PDE6C: variants seen among roughly 807,000 people sequenced by gnomAD.
The protein encoded by PDE6C is cone cGMP-specific 3',5'-cyclic phosphodiesterase subunit alpha'.
PDE6C carries 75 observed loss-of-function variants against 113.1 expected under a neutral mutation model. The ratio of observed to expected loss-of-function variants is 0.66; its 90% confidence interval spans 0.55 to 0.80. The LOEUF (loss-of-function observed/expected upper bound fraction) is 0.80, where lower values mean the gene tolerates loss of function less well. PDE6C is among the 30% of genes least tolerant of loss of function. The pLI, the probability that PDE6C is intolerant of heterozygous loss-of-function variation, is 0.00. For missense variants in PDE6C, 912 were observed against 1,038.6 expected, an observed-to-expected ratio of 0.88 and a Z score of 1.67; for synonymous variants, 375 against 363.7, an observed-to-expected ratio of 1.03 and a Z score of -0.35.
At position 93,663,149 on chromosome 10, in the gene PDE6C, C is replaced by CA; in HGVS notation, c.2495dup (p.Gln833AlafsTer10). The CA allele has an allele frequency of 6.2e-7, 1 of 1,613,430 alleles. No individual in the cohort carries two copies. On this transcript the variant is annotated frameshift_variant, in exon 21 of 22. Transcript: ENST00000371447. LOFTEE classifies it high-confidence loss of function. ...AAGATGAAGGTCATTGAAGAGGAGG[C>CA]AAAAAAGCAAGAAGGAGGAGCCGAA...
chr10:93,624,736 G>T (rs1479362096), intron 4 of PDE6C, among the ~76,000 whole-genome samples: 2 of 152,132 alleles, frequency 1.3e-5, no homozygotes, highest in Non-Finnish European at 2.9e-5. Flanking sequence ...CTAACAATAT[G>T]ATATTTATTC....
In PDE6C at chr10:93,626,867, G is replaced by A; in HGVS notation, c.1067G>A (p.Gly356Glu). ...SGLPTYVAENGFICNMMNAPA... is the reference protein window; with the variant it reads ...SGLPTYVAENEFICNMMNAPA... ...TTGCCAACATATGTTGCTGAAAATG[G>A]ATTTGTAAGTTATTGAACAAATTCA... The change falls in exon 7 of 22, where the codon GGA becomes GAA. Residue 356 changes from glycine (G) to glutamate (E), a missense_variant. Transcript: ENST00000371447. The A allele has an allele frequency of 6.2e-7, 1 of 1,611,716 alleles. No individual in the cohort carries two copies. Among genetic ancestry groups the A allele is most frequent in the Non-Finnish European group, 8.5e-7 (1 of 1,178,290 alleles).
intron 12 of PDE6C, 87 bp from the exon 13 acceptor site, chr10:93,640,363 C>T: frequency 3.2e-6 from 4 of 1,257,778 alleles, no homozygotes; most frequent in Non-Finnish European, 4.7e-6. Flanking sequence ...TCTACAAGAC[C>T]AACACATCTT....
At chr10:93,662,901 C>G (rs973796705) in intron 20 of PDE6C, 127 bp from the exon 21 acceptor site, 4 of 832,456 alleles carry the variant, frequency 4.8e-6, no homozygotes, top group Non-Finnish European at 7.9e-6. Flanking sequence ...TTCATAGGCC[C>G]GTGGTTAAAC....
rs2133877381 is a variant in PDE6C, at chr10:93,659,140, T to C, written c.2181T>C (p.Ile727=). ...MMMTACDLSA[I]TKPWEVQSQV... is the part of the protein sequence containing the mutation. ...TGACGGCATGTGACTTGTCTGCTAT[T>C]ACCAAGCCCTGGGAGGTGCAAAGTC... Residue 727 remains isoleucine, a synonymous_variant, in exon 18 of 22, where the codon ATT becomes ATC. Transcript: ENST00000371447. 1 of 1,611,440 alleles carries C rather than the reference T, an allele frequency of 6.2e-7. No individual in the cohort carries two copies. Among genetic ancestry groups the C allele is most frequent in the Non-Finnish European group, 8.5e-7 (1 of 1,179,352 alleles).
At chr10:93,625,495 AC>A (rs2134598294) in intron 4 of PDE6C, 79 bp from the exon 5 acceptor site, 1 of 972,426 alleles carries the variant, frequency 1.0e-6, no homozygotes, top group East Asian at 2.4e-5. Context: ...CATAAAATAT[AC>A]AAACACATAA....
In PDE6C at chr10:93,634,812, A is replaced by C; in HGVS notation, c.1174A>C (p.Ile392Leu). The change falls in exon 9 of 22, where the codon ATT becomes CTT. Residue 392 changes from isoleucine (I) to leucine (L), a missense_variant. Ile to Leu is a conservative substitution (Grantham distance 5). Transcript: ENST00000371447. ...WVIKNVLSLP[I>L]VNKKEDIVGV... ...CATTAAGAATGTTTTGTCCCTGCCTATTGTCAACAAGAAAGAAGATATTGT... is the reference window on the plus strand; with the variant it reads ...CATTAAGAATGTTTTGTCCCTGCCTCTTGTCAACAAGAAAGAAGATATTGT... The C allele has an allele frequency of 6.2e-7, 1 of 1,614,136 alleles. No individual in the cohort carries two copies. Among genetic ancestry groups the C allele is most frequent in the Non-Finnish European group, 8.5e-7 (1 of 1,179,984 alleles).
At chr10:93,625,111 T>C (rs570762379) in intron 4 of PDE6C, among the ~76,000 whole-genome samples, 1 of 152,318 alleles carries the variant, frequency 6.6e-6, no homozygotes, top group East Asian at 1.9e-4. Context: ...TGTGGTCTGA[T>C]GGAAAATTAC....
chr10:93,627,942 C>T (rs1038609041), intron 7 of PDE6C, among the ~76,000 whole-genome samples: 2 of 152,076 alleles, frequency 1.3e-5, no homozygotes, highest in African/African-American at 2.4e-5. Flanking sequence ...ACCTTGGGGC[C>T]GAGAGGCAGG....
At chr10:93,650,454 C>T (rs1053867590) in intron 15 of PDE6C, among the ~76,000 whole-genome samples, 2 of 152,108 alleles carry the variant, frequency 1.3e-5, no homozygotes, top group African/African-American at 4.8e-5. Context: ...TGCTGTGTTG[C>T]TTAGGCTGGT....
intron 8 of PDE6C, among the ~76,000 whole-genome samples, chr10:93,630,823 G>A (rs886327631): frequency 6.6e-6 from 1 of 152,122 alleles, no homozygotes; most frequent in African/African-American, 2.4e-5. Flanking sequence ...TCCCTTTGCC[G>A]ATTGACATGG....
Position 93,617,041 on chromosome 10 carries a change from C to T in PDE6C, c.481-3591C>T, listed in dbSNP as rs765304277. ...TGATTCTGACTGTGGTTTAAAAGTCCTCCTTCCTCTCTCTTCCTTTCCTCC... is the reference window on the plus strand; with the variant it reads ...TGATTCTGACTGTGGTTTAAAAGTCTTCCTTCCTCTCTCTTCCTTTCCTCC... On this transcript the variant is annotated intron_variant, in intron 1 of 21. Transcript: ENST00000371447. Among the ~76,000 whole-genome samples the T allele has an allele frequency of 5.3e-5, 8 of 152,232 alleles. No individual in the cohort carries two copies. The South Asian group carries it at 1.7e-3, about 32-fold the overall frequency.
intron 7 of PDE6C, among the ~76,000 whole-genome samples, chr10:93,627,538 G>T (rs1304201299): frequency 6.6e-6 from 1 of 152,136 alleles, no homozygotes; most frequent in Non-Finnish European, 1.5e-5. Context: ...TAAATATGGG[G>T]GATGGGGTGG....
At chr10:93,665,234 C>T (rs2058684804) in intron 21 of PDE6C, 126 bp from the exon 22 acceptor site, 1 of 788,648 alleles carries the variant, frequency 1.3e-6, no homozygotes, top group Non-Finnish European at 2.2e-6. Context: ...GTCAAACCCA[C>T]AGTACTTGCT....
At chr10:93,634,710 C>T in intron 8 of PDE6C, 48 bp from the exon 9 acceptor site, 5 of 1,604,446 alleles carry the variant, frequency 3.1e-6, no homozygotes, top group Non-Finnish European at 4.3e-6. Context: ...ATGATTATTT[C>T]AAACTAAAAA....
intron 8 of PDE6C, among the ~76,000 whole-genome samples, chr10:93,631,957 A>G (rs1308973522): frequency 6.6e-6 from 1 of 152,202 alleles, no homozygotes; most frequent in Non-Finnish European, 1.5e-5. Context: ...GAATTCCAAA[A>G]TGAGTCTTCT....
chr10:93,636,931 A>AG (rs1437682796), intron 10 of PDE6C, 64 bp from the exon 11 acceptor site: 7 of 857,672 alleles, frequency 8.2e-6, no homozygotes, highest in Non-Finnish European at 1.4e-5. Flanking sequence ...TTGTAATAGT[A>AG]GAGGAATCAG....
At chr10:93,634,325 T>A (rs1175832795) in intron 8 of PDE6C, among the ~76,000 whole-genome samples, 1 of 152,226 alleles carries the variant, frequency 6.6e-6, no homozygotes, top group East Asian at 1.9e-4. Flanking sequence ...TTTCTTTAAA[T>A]TAAAAATAAA....
chr10:93,616,881 T>C (rs897296966), intron 1 of PDE6C, among the ~76,000 whole-genome samples: 1 of 152,206 alleles, frequency 6.6e-6, no homozygotes, highest in African/African-American at 2.4e-5. Flanking sequence ...CTTGAACTTC[T>C]GACCTCGTGA....
Sources: allele counts gnomAD v4.1 joint callset (sites outside exome capture counted in the v4.1 genomes callset), GRCh38; gene constraint gnomAD v4.1.1; transcripts MANE v1.5; gene names NCBI Gene and HGNC (gene_info 2026-07-23, HGNC 2026-07-21).